Variants in CHD1 observed in about 807,000 individuals in gnomAD.
CHD1 encodes ATP-dependent chromatin remodeler CHD1.
A neutral mutation model predicts 224.2 loss-of-function variants in CHD1; 36 were observed. That is an observed-to-expected ratio of 0.16 (90% CI 0.12 to 0.21). CHD1 has a LOEUF of 0.21. Ranked by LOEUF, CHD1 falls within the 10% of genes least tolerant of loss-of-function variation. The pLI is 1.00. For synonymous variants in CHD1, 668 were observed against 658.3 expected, an observed-to-expected ratio of 1.01 and a Z score of -0.23; for missense variants, 1,378 against 1,994.8, an observed-to-expected ratio of 0.69 and a Z score of 5.89.
chr5:98,873,740 C>A lies in CHD1; in HGVS notation c.3441-17G>T. 1.9e-6 allele frequency: 3 copies of A among 1,590,138 alleles called. No homozygotes were observed. The highest frequency in any genetic ancestry group is 2.3e-5 in the South Asian group (2 of 85,808). On this transcript the variant is annotated splice_polypyrimidine_tract_variant and intron_variant, in intron 25 of 35. Coordinates refer to ENST00000614616, the MANE Select transcript of CHD1 (RefSeq NM_001270.4). ...GCATCTAATCTGTAACAAAATAATCCAATTTTCAGGTAAATATGTTAAATG... is the reference window on the plus strand; with the variant it reads ...GCATCTAATCTGTAACAAAATAATCAAATTTTCAGGTAAATATGTTAAATG...
intron 2 of CHD1, among the ~76,000 whole-genome samples, chr5:98,913,360 G>A (rs1162880209): frequency 6.6e-6 from 1 of 152,128 alleles, no homozygotes; most frequent in Non-Finnish European, 1.5e-5. Flanking sequence ...TTCAGTCCTA[G>A]CTACTCGGGA....
In CHD1 at chr5:98,896,184, C is replaced by G. The variant is rs368457577; in HGVS notation, c.1710+42G>C. ...CAACAAAAACACTTGATCTCAAAGA[C>G]AAGTACATTTTGATTTCTACATTTA... is the stretch of plus-strand genomic sequence containing the variant. On this transcript the variant is annotated intron_variant, in intron 12 of 35. Transcript: ENST00000614616. The G allele has an allele frequency of 5.3e-5, 80 of 1,506,856 alleles. No homozygotes were observed. The African/African-American group carries it at 9.8e-4, about 18-fold the overall frequency. The allele number at this position is 1,506,856 out of a possible 1,614,324, so 93.3% of individuals were successfully genotyped here.
chr5:98,860,097 A>C, intron 32 of CHD1, 29 bp from the exon 33 acceptor site: 4 of 1,250,122 alleles, frequency 3.2e-6, no homozygotes, highest in Non-Finnish European at 3.5e-6. Context: ...AGGCAAATTA[A>C]GTTAGTCTGG....
Position 98,856,320 on chromosome 5 carries a change from G to T in CHD1, c.*60C>A. 8.2e-7 allele frequency: 1 copy of T among 1,226,112 alleles called. No individual in the cohort carries two copies. The highest frequency in any genetic ancestry group is 1.2e-6 in the Non-Finnish European group (1 of 846,486). The allele number at this position is 1,226,112 out of a possible 1,614,324, so 76.0% of individuals were successfully genotyped here. A position where few individuals can be genotyped will look rare whatever the true frequency, so the allele number is the denominator to read the frequency against. ...TTTCAAGTCATGTAAGGCAATTACT[G>T]TGTTGGTTTATGATATATGGCTAAA... On this transcript the variant is annotated 3_prime_UTR_variant, in exon 36 of 36. Coordinates refer to ENST00000614616, the MANE Select transcript of CHD1 (RefSeq NM_001270.4).
chr5:98,903,966 G>A, intron 3 of CHD1, 58 bp from the exon 4 acceptor site: 1 of 1,085,600 alleles, frequency 9.2e-7, no homozygotes, highest in Non-Finnish European at 1.4e-6. Flanking sequence ...GCAAAAAAAG[G>A]TTAATTTATT....
intron 15 of CHD1, among the ~76,000 whole-genome samples, chr5:98,890,415 A>T (rs1202488408): frequency 1.3e-5 from 2 of 152,130 alleles, no homozygotes; most frequent in East Asian, 1.9e-4. Context: ...AATAAAGAAT[A>T]TTTTTCCTTA....
chr5:98,902,234 A>G (rs1751766436), intron 5 of CHD1, among the ~76,000 whole-genome samples: 1 of 152,128 alleles, frequency 6.6e-6, no homozygotes, highest in African/African-American at 2.4e-5. Context: ...AAGATAAATG[A>G]TTGAATTTTC....
At chr5:98,906,750 TAA>T (rs1345055920) in intron 2 of CHD1, among the ~76,000 whole-genome samples, 4 of 152,190 alleles carry the variant, frequency 2.6e-5, no homozygotes, top group East Asian at 1.9e-4. Context: ...AGCAAAGAAA[TAA>T]AAGAGTATCT....
At chr5:98,863,239 A>T (rs933680693) in intron 32 of CHD1, among the ~76,000 whole-genome samples, 169 bp downstream of exon 32, 3 of 152,094 alleles carry the variant, frequency 2.0e-5, no homozygotes, top group Middle Eastern at 3.2e-3. Flanking sequence ...ACCACTCATA[A>T]ATAAAAAAAT....
At chr5:98,882,943 A>G (rs2112406196) in intron 19 of CHD1, 145 bp downstream of exon 19, 5 of 462,812 alleles carry the variant, frequency 1.1e-5, no homozygotes, top group Middle Eastern at 6.1e-4. Context: ...ATTTTGGTAA[A>G]CCAAGCTCCT....
intron 2 of CHD1, among the ~76,000 whole-genome samples, chr5:98,916,717 C>T (rs1034990987): frequency 1.3e-5 from 2 of 151,898 alleles, no homozygotes; most frequent in African/African-American, 4.8e-5. Flanking sequence ...GTGTACTGCA[C>T]CTAAGAAAAA....
At chr5:98,867,015 T>C (rs945147241) in intron 31 of CHD1, among the ~76,000 whole-genome samples, 1 of 152,184 alleles carries the variant, frequency 6.6e-6, no homozygotes, top group African/African-American at 2.4e-5. Flanking sequence ...CTGTAAACTT[T>C]ACATGTACCA....
At chr5:98,926,685 A>G (rs938069041) in intron 1 of CHD1, among the ~76,000 whole-genome samples, 151 bp from the exon 2 acceptor site, 1 of 152,156 alleles carries the variant, frequency 6.6e-6, no homozygotes, top group Non-Finnish European at 1.5e-5. Context: ...TAAAATATCT[A>G]GACTTGTAAT....
chr5:98,864,859 T>C (rs1445006314), intron 31 of CHD1, among the ~76,000 whole-genome samples: 4 of 152,210 alleles, frequency 2.6e-5, no homozygotes, highest in African/African-American at 9.6e-5. Context: ...TGTTCAACTT[T>C]GGCAGTTTAT....
At chr5:98,895,739 T>A (rs1278381896) in intron 12 of CHD1, among the ~76,000 whole-genome samples, 10 of 142,192 alleles carry the variant, frequency 7.0e-5, no homozygotes, top group South Asian at 2.2e-4. Flanking sequence ...GATGACAGAG[T>A]GAAAACAAAA....
intron 31 of CHD1, among the ~76,000 whole-genome samples, chr5:98,865,164 C>A (rs1214406171): frequency 2.0e-5 from 3 of 152,152 alleles, no homozygotes; most frequent in Non-Finnish European, 4.4e-5. Context: ...AAGGAGCAAG[C>A]CATTCCAAGT....
intron 1 of CHD1, among the ~76,000 whole-genome samples, chr5:98,927,448 C>G (rs1176497733): frequency 1.3e-5 from 2 of 152,062 alleles, no homozygotes; most frequent in African/African-American, 4.8e-5. Context: ...AAAGAGAATT[C>G]ACTCCTACGA....
At chr5:98,928,072 T>C (rs2112693400) in intron 1 of CHD1, among the ~76,000 whole-genome samples, 1 of 152,222 alleles carries the variant, frequency 6.6e-6, no homozygotes, top group Non-Finnish European at 1.5e-5. Flanking sequence ...CTCGCGGACC[T>C]GCCCCCCTCT....
intron 25 of CHD1, 78 bp from the exon 26 acceptor site, chr5:98,873,801 T>G: frequency 7.4e-7 from 1 of 1,346,976 alleles, no homozygotes; most frequent in Non-Finnish European, 1.0e-6. Context: ...TCACTCTATT[T>G]CAAGATCTGA....
Sources: gnomAD v4.1 joint callset for allele counts (sites outside exome capture counted in the v4.1 genomes callset) on GRCh38, gnomAD v4.1.1 for gene constraint, MANE v1.5 for transcripts, NCBI Gene and HGNC (gene_info 2026-07-23, HGNC 2026-07-21) for gene names.